MCF2L2: variants seen among roughly 807,000 people sequenced by gnomAD.
The protein encoded by MCF2L2 is probable guanine nucleotide exchange factor MCF2L2.
MCF2L2 carries 102 observed loss-of-function variants against 150.2 expected under a neutral mutation model. The ratio of observed to expected loss-of-function variants is 0.68; its 90% CI spans 0.58 to 0.80. The LOEUF (loss-of-function observed/expected upper bound fraction) is 0.80, where lower values mean the gene tolerates loss of function less well. MCF2L2 is among the 30% of genes least tolerant of loss of function. MCF2L2 has a pLI of 0.00. For synonymous variants in MCF2L2, 465 were observed against 491.3 expected, an observed-to-expected ratio of 0.95 and a Z score of 0.71; for missense variants, 1,256 against 1,372.8, an observed-to-expected ratio of 0.91 and a Z score of 1.34.
intron 5 of MCF2L2, among the ~76,000 whole-genome samples, chr3:183,332,966 A>T (rs1434121850): frequency 6.6e-6 from 1 of 152,230 alleles, no homozygotes; most frequent in Non-Finnish European, 1.5e-5. Context: ...GTAGGAAAGG[A>T]GAGAGAAAAA....
intron 4 of MCF2L2, among the ~76,000 whole-genome samples, chr3:183,340,753 G>A (rs1730663192): frequency 1.3e-5 from 2 of 152,076 alleles, no homozygotes; most frequent in Admixed American, 6.5e-5. Context: ...GACCAGCCTA[G>A]TCAACATGGT....
chr3:183,298,765 G>GCACGCGCACACACACACACA (rs1553776990), intron 11 of MCF2L2: 2 of 138,500 alleles, frequency 1.4e-5, no homozygotes, highest in Admixed American at 7.0e-5. Context: ...AAACACACAT[G>GCACGCGCACACACACACACA]CACACACACA....
chr3:183,356,357 A>AC, intron 3 of MCF2L2, among the ~76,000 whole-genome samples: 1 of 152,072 alleles, frequency 6.6e-6, no homozygotes, highest in Non-Finnish European at 1.5e-5. Context: ...TACTAAAAAT[A>AC]TAAAAATTAG....
chr3:183,280,813 A>G (rs1283683012), intron 14 of MCF2L2, among the ~76,000 whole-genome samples: 4 of 148,918 alleles, frequency 2.7e-5, no homozygotes, highest in East Asian at 3.9e-4. Flanking sequence ...ACGCCACTGC[A>G]CTCCAGCCTG....
At position 183,309,715 on chromosome 3, in the gene MCF2L2, C is replaced by G. The variant is rs754153408; in HGVS notation, c.1113+1G>C. ...GTACACAAAAATGTCAGAAAGCAAA[C>G]CTGGCTTTTTTCCTCCAGTTTTTTG... On this transcript the variant is annotated splice_donor_variant, in intron 10 of 29. Transcript: ENST00000328913. LOFTEE classifies it high-confidence loss of function. 9.3e-6 allele frequency: 15 copies of G among 1,613,984 alleles called. No homozygotes were observed. The highest frequency in any genetic ancestry group is 1.3e-5 in the Non-Finnish European group (15 of 1,179,990).
At position 183,276,855 on chromosome 3, in the gene MCF2L2, C is replaced by T. The variant is rs202190550; in HGVS notation, c.1862+17G>A. 1.7e-4 allele frequency: 275 copies of T among 1,593,724 alleles called. 1 individual carries two copies. The African/African-American group carries it at 2.7e-3, about 16-fold the overall frequency. On this transcript the variant is annotated intron_variant, in intron 15 of 29. Coordinates refer to ENST00000328913, the MANE Select transcript of MCF2L2 (RefSeq NM_015078.4). Reference sequence around the variant, plus strand: ...CGCACCCCCTCGCCCCCTGCACCCACGGATGTGCAGTCTTACCTGCGGGGG... The same window carrying T: ...CGCACCCCCTCGCCCCCTGCACCCATGGATGTGCAGTCTTACCTGCGGGGG...
Position 183,384,638 on chromosome 3 carries a change from C to G in MCF2L2, c.160+5058G>C, listed in dbSNP as rs552659058. On this transcript the variant is annotated intron_variant, in intron 2 of 29. Transcript: ENST00000328913. ...CCTGGCTCACTGGCTTCCCCCCACC[C>G]ACCAAGTTATCCTTAAAAACTCTGT... Among the ~76,000 whole-genome samples the G allele has an allele frequency of 2.6e-5, 4 of 152,294 alleles. No individual in the cohort carries two copies. The South Asian group carries it at 8.3e-4, about 32-fold the overall frequency.
intron 1 of MCF2L2, among the ~76,000 whole-genome samples, chr3:183,416,005 G>C (rs549036114): frequency 6.6e-6 from 1 of 151,680 alleles, no homozygotes; most frequent in Admixed American, 6.6e-5. Context: ...TAATTCCTTT[G>C]ATAATATTTT....
chr3:183,275,384 A>G (rs1727104971), intron 15 of MCF2L2, among the ~76,000 whole-genome samples: 5 of 152,252 alleles, frequency 3.3e-5, no homozygotes, highest in Admixed American at 3.3e-4. Context: ...AAACAGTTGC[A>G]GCAAAGACTG....
intron 14 of MCF2L2, among the ~76,000 whole-genome samples, chr3:183,279,217 T>A (rs1203832379): frequency 6.6e-6 from 1 of 152,058 alleles, no homozygotes; most frequent in East Asian, 1.9e-4. Context: ...ACTGATGAGA[T>A]ATCTTTTATT....
At chr3:183,246,935 T>A (rs977605377) in intron 15 of MCF2L2, among the ~76,000 whole-genome samples, 2 of 152,218 alleles carry the variant, frequency 1.3e-5, no homozygotes, top group African/African-American at 2.4e-5. Flanking sequence ...AATGTGTGCG[T>A]TATCTTACTT....
At chr3:183,399,514 G>C (rs1434310068) in intron 1 of MCF2L2, among the ~76,000 whole-genome samples, 1 of 152,226 alleles carries the variant, frequency 6.6e-6, no homozygotes, top group Non-Finnish European at 1.5e-5. Context: ...AGCTGCTTCA[G>C]CTTTGAGAAC....
intron 27 of MCF2L2, among the ~76,000 whole-genome samples, chr3:183,184,985 C>T (rs1048234353): frequency 1.3e-5 from 2 of 151,412 alleles, no homozygotes; most frequent in Admixed American, 6.6e-5. Flanking sequence ...GACACGATCT[C>T]GGCTCACTGC....
chr3:183,270,448 A>T lies in MCF2L2; in HGVS notation c.1862+6424T>A, dbSNP rs754899411. On this transcript the variant is annotated intron_variant, in intron 15 of 29. Coordinates refer to ENST00000328913, the MANE Select transcript of MCF2L2 (RefSeq NM_015078.4). This position sits in a 1 kb window ranked among gnomAD's most constrained non-coding sequence, Gnocchi z 4.5. Reference sequence around the variant, plus strand: ...AGTTTAGAACAAATTGGTGTTCAAGACTTTTGGATTGGTCGTGTTCATCGT... The same window carrying T: ...AGTTTAGAACAAATTGGTGTTCAAGTCTTTTGGATTGGTCGTGTTCATCGT... 1 of 1,614,182 alleles carries T rather than the reference A, an allele frequency of 6.2e-7. No individual in the cohort carries two copies. The highest frequency in any genetic ancestry group is 1.1e-5 in the South Asian group (1 of 91,080).
At chr3:183,257,768 T>C (rs73064095) in intron 15 of MCF2L2, among the ~76,000 whole-genome samples, 2,783 of 146,996 alleles carry the variant, frequency 0.019, 81 homozygotes, top group African/African-American at 0.072. Flanking sequence ...GTTTTTCTTA[T>C]TATTATTCAA....
intron 27 of MCF2L2, among the ~76,000 whole-genome samples, chr3:183,184,827 G>C (rs968515997): frequency 6.6e-6 from 1 of 152,108 alleles, no homozygotes; most frequent in African/African-American, 2.4e-5. Flanking sequence ...CTGGTTCAGC[G>C]GTAGCTCTCA....
intron 1 of MCF2L2, among the ~76,000 whole-genome samples, chr3:183,392,892 T>C (rs924129443): frequency 5.3e-5 from 8 of 152,186 alleles, no homozygotes; most frequent in African/African-American, 1.9e-4. Flanking sequence ...CAAGAAGTCT[T>C]TGGTTCTGAA....
At chr3:183,191,260 C>T (rs1269543534) in intron 27 of MCF2L2, among the ~76,000 whole-genome samples, 1 of 51,658 alleles carries the variant, frequency 1.9e-5, no homozygotes, top group Non-Finnish European at 4.3e-5. Context: ...CCTGTGCTCA[C>T]ACATGCATGG....
At chr3:183,296,906 A>G in intron 12 of MCF2L2, 70 bp downstream of exon 12, 1 of 1,499,592 alleles carries the variant, frequency 6.7e-7, no homozygotes. Flanking sequence ...CTTTATCAGG[A>G]AGAAGGTACA....
Sources: gnomAD v4.1 joint callset for allele counts (sites outside exome capture counted in the v4.1 genomes callset) on GRCh38, gnomAD v4.1.1 for gene constraint, Gnocchi (gnomAD v3.1) non-coding constraint, MANE v1.5 for transcripts, NCBI Gene and HGNC (gene_info 2026-07-23, HGNC 2026-07-21) for gene names.